Variants in STON2 observed in about 807,000 individuals in gnomAD.
The protein encoded by STON2 is stonin 2, also known as stonin-2.
In STON2, 29 loss-of-function variants were observed where a neutral mutation model predicts 65.7. The ratio of observed to expected loss-of-function variants is 0.44; its 90% CI spans 0.33 to 0.60. The LOEUF is 0.60. Among genes scored for constraint, STON2 ranks in the 20% least tolerant of loss-of-function variants. The pLI, the probability that STON2 is intolerant of heterozygous loss-of-function variation, is 0.03. For missense variants in STON2, 1,054 were observed against 1,118.1 expected (o/e 0.94, Z 0.82); for synonymous variants, 404 against 414.2 (o/e 0.98, Z 0.30).
intron 2 of STON2, among the ~76,000 whole-genome samples, chr14:81,408,945 A>G (rs886681708): frequency 2.0e-5 from 3 of 152,216 alleles, no homozygotes; most frequent in African/African-American, 7.2e-5. Context: ...CCATCTTGGT[A>G]CATTCATCTT....
chr14:81,429,920 G>T (rs1402075371), intron 1 of STON2, among the ~76,000 whole-genome samples: 1 of 150,504 alleles, frequency 6.6e-6, no homozygotes, highest in Non-Finnish European at 1.5e-5. Context: ...GGGTGACACA[G>T]CAAGACTCTG....
chr14:81,397,860 A>C (rs1281279042), intron 2 of STON2, among the ~76,000 whole-genome samples: 1 of 152,192 alleles, frequency 6.6e-6, no homozygotes, highest in Non-Finnish European at 1.5e-5. Context: ...TGTACAGATA[A>C]TGAAGCTATG....
At chr14:81,389,155 T>TA (rs1340884549) in intron 3 of STON2, among the ~76,000 whole-genome samples, 1 of 152,214 alleles carries the variant, frequency 6.6e-6, no homozygotes, top group Non-Finnish European at 1.5e-5. Flanking sequence ...GGGAAGAAAT[T>TA]AAACACTGCA....
At chr14:81,399,506 A>G (rs911453834) in intron 1 of STON2, among the ~76,000 whole-genome samples, 3 of 152,206 alleles carry the variant, frequency 2.0e-5, no homozygotes, top group African/African-American at 7.2e-5. Flanking sequence ...AGTTTAGGAA[A>G]TTTTACTACA....
chr14:81,364,792 A>T (rs190195444), intron 4 of STON2, among the ~76,000 whole-genome samples: 1 of 152,252 alleles, frequency 6.6e-6, no homozygotes, highest in East Asian at 1.9e-4. Flanking sequence ...CATGGGACAC[A>T]CTTTGGAAAA....
intron 4 of STON2, among the ~76,000 whole-genome samples, chr14:81,356,219 CGTT>C (rs1359834749): frequency 6.6e-6 from 1 of 151,898 alleles, no homozygotes; most frequent in Non-Finnish European, 1.5e-5. Context: ...TAGCATGAAG[CGTT>C]GTTGAATTTT....
rs570816265 is a variant in STON2, at chr14:81,370,189, G to A, written c.571+799C>T. On this transcript the variant is annotated intron_variant, in intron 4 of 7. Coordinates refer to ENST00000614646, the MANE Select transcript of STON2 (RefSeq NM_001394390.1). The stretch of plus-strand genomic sequence containing the variant: ...TGATCTAGAAACTCTGAACAACATT[G>A]AAGAGGAAAAACAAATCTTGTCAAC... 2.0e-5 allele frequency among the ~76,000 whole-genome samples: 3 copies of A among 152,306 alleles called. No individual in the cohort carries two copies. In the South Asian group the frequency reaches 6.2e-4, roughly 32 times the overall value.
chr14:81,280,486 CTG>C (rs1895061343), intron 5 of STON2, among the ~76,000 whole-genome samples: 2 of 152,166 alleles, frequency 1.3e-5, no homozygotes, highest in African/African-American at 4.8e-5. Flanking sequence ...ATCCTACCCA[CTG>C]TTTCTATGGC....
At chr14:81,331,816 T>C (rs1897228383) in intron 4 of STON2, among the ~76,000 whole-genome samples, 1 of 152,194 alleles carries the variant, frequency 6.6e-6, no homozygotes, top group Non-Finnish European at 1.5e-5. Flanking sequence ...CATCCTAGCC[T>C]AACTGCTGCC....
chr14:81,396,410 G>C (rs1378300231), intron 2 of STON2, among the ~76,000 whole-genome samples: 1 of 152,194 alleles, frequency 6.6e-6, no homozygotes, highest in African/African-American at 2.4e-5. Context: ...GGCAGGCAGA[G>C]ACTAGGAGCC....
chr14:81,280,684 T>C (rs1038982542), intron 5 of STON2, among the ~76,000 whole-genome samples: 7 of 152,140 alleles, frequency 4.6e-5, no homozygotes, highest in African/African-American at 1.4e-4. Context: ...TTCAAACAGA[T>C]AGCAATTCTC....
At chr14:81,418,911 T>C (rs1186166750) in intron 2 of STON2, among the ~76,000 whole-genome samples, 2 of 152,204 alleles carry the variant, frequency 1.3e-5, no homozygotes, top group Non-Finnish European at 2.9e-5. Context: ...ACCACTTCCA[T>C]AGAAGCTTTT....
At chr14:81,388,463 G>A (rs1899927812) in intron 3 of STON2, among the ~76,000 whole-genome samples, 1 of 152,120 alleles carries the variant, frequency 6.6e-6, no homozygotes, top group Non-Finnish European at 1.5e-5. Flanking sequence ...AATAAAATAA[G>A]TAGCAGCCAG....
chr14:81,282,464 C>A (rs1895161776), intron 5 of STON2, among the ~76,000 whole-genome samples: 1 of 151,978 alleles, frequency 6.6e-6, no homozygotes, highest in Admixed American at 6.6e-5. Flanking sequence ...TCCTACCAGA[C>A]AAATAATAAA....
chr14:81,413,151 A>C lies in STON2; in HGVS notation c.-199+13951T>G, dbSNP rs555656849. ...ACCTGACACTGCATCGTGGGGAGGA[A>C]CTTCAGTAGTTACGTGACACATGAA... On this transcript the variant is annotated intron_variant, in intron 2 of 8. Coordinates refer to the STON2 transcript ENST00000553821. 101 of 1,394,810 alleles carry C rather than the reference A, an allele frequency of 7.2e-5. 19 individuals carry two copies. The Middle Eastern group carries it at 1.0e-3, about 14-fold the overall frequency. The allele number at this position is 1,394,810 out of a possible 1,614,324, so 86.4% of individuals were successfully genotyped here.
At chr14:81,303,104 AAATGAG>A (rs1896035686) in intron 5 of STON2, among the ~76,000 whole-genome samples, 1 of 151,762 alleles carries the variant, frequency 6.6e-6, no homozygotes, top group Non-Finnish European at 1.5e-5. Flanking sequence ...TAATGAATAC[AAATGAG>A]AATGAGAATA....
At chr14:81,279,101 G>T (rs1386861149) in intron 5 of STON2, among the ~76,000 whole-genome samples, 1 of 151,924 alleles carries the variant, frequency 6.6e-6, no homozygotes, top group African/African-American at 2.4e-5. Context: ...TTTAAACATT[G>T]AAAGCCATCT....
chr14:81,265,046 CATT>C lies in STON2; in HGVS notation c.*3365_*3367del. 1.0e-6 allele frequency: 1 copy of C among 977,600 alleles called. No individual in the cohort carries two copies. Among genetic ancestry groups the C allele is most frequent in the Non-Finnish European group, 1.2e-6 (1 of 823,786 alleles). 60.6% of individuals were successfully genotyped at this position (977,600 alleles called of 1,614,324 possible). A position where few individuals can be genotyped will look rare whatever the true frequency, so the allele number is the denominator to read the frequency against. Reference sequence around the variant, plus strand: ...AATGAATTCATTTTTAATATTTTCACATTATTGATAACAAAGATTATTTGTGAC... The same window carrying C: ...AATGAATTCATTTTTAATATTTTCACATTGATAACAAAGATTATTTGTGAC... On this transcript the variant is annotated 3_prime_UTR_variant, in exon 8 of 8. Coordinates refer to ENST00000614646, the MANE Select transcript of STON2 (RefSeq NM_001394390.1).
Position 81,417,378 on chromosome 14 carries a change from A to C in STON2, c.-199+9724T>G, listed in dbSNP as rs540498471. Among the ~76,000 whole-genome samples, 36 of 152,098 alleles carry C rather than the reference A, an allele frequency of 2.4e-4. 1 individual carries two copies. Among genetic ancestry groups the C allele is most frequent in the Non-Finnish European group, 1.5e-5 (1 of 68,022 alleles). ...GTTGAATGTTCAGGAGAAAACCTTAACTGGGCAAAAAGATGAAAGTAGAGA... is the reference window on the plus strand; with the variant it reads ...GTTGAATGTTCAGGAGAAAACCTTACCTGGGCAAAAAGATGAAAGTAGAGA... On this transcript the variant is annotated intron_variant, in intron 2 of 8. Transcript: ENST00000553821.
Sources: allele counts gnomAD v4.1 joint callset (sites outside exome capture counted in the v4.1 genomes callset), GRCh38; gene constraint gnomAD v4.1.1; transcripts MANE v1.5; gene names NCBI Gene and HGNC (gene_info 2026-07-23, HGNC 2026-07-21).